TFB2M: variants seen among roughly 807,000 people sequenced by gnomAD.
TFB2M encodes the protein transcription factor B2, mitochondrial.
Under a neutral mutation model 41.3 loss-of-function variants are expected in TFB2M, and 44 were observed. That is an observed-to-expected ratio of 1.07 (90% CI 0.84 to 1.37). The LOEUF (loss-of-function observed/expected upper bound fraction) is 1.37. TFB2M is among the 40% of genes most tolerant of loss of function. The pLI is 0.00. For synonymous variants in TFB2M, 188 were observed against 176.8 expected (o/e 1.06, Z -0.50); for missense variants, 496 against 490.2 (o/e 1.01, Z -0.11).
At chr1:246,552,638 G>A (rs1010157377) in intron 4 of TFB2M, among the ~76,000 whole-genome samples, 1 of 151,646 alleles carries the variant, frequency 6.6e-6, no homozygotes, top group African/African-American at 2.4e-5. Flanking sequence ...GTTTGAGGCT[G>A]CAGTGAGCTA....
At chr1:246,547,060 T>G (rs936101270) in intron 6 of TFB2M, among the ~76,000 whole-genome samples, 4 of 150,368 alleles carry the variant, frequency 2.7e-5, no homozygotes, top group Non-Finnish European at 5.9e-5. Context: ...CTCAGCTCAC[T>G]GCAAACTCTG....
At chr1:246,564,494 C>A in intron 1 of TFB2M, 60 bp from the exon 2 acceptor site, 2 of 1,484,968 alleles carry the variant, frequency 1.3e-6, no homozygotes, top group South Asian at 1.2e-5. Context: ...CTTTCAATAC[C>A]AAACTTTCAT....
At chr1:246,554,145 C>T (rs1286396120) in intron 4 of TFB2M, among the ~76,000 whole-genome samples, 2 of 152,176 alleles carry the variant, frequency 1.3e-5, no homozygotes, top group African/African-American at 4.8e-5. Context: ...AAGAATGAAG[C>T]TGGACACTGA....
At chr1:246,556,821 T>C (rs1236540005) in intron 3 of TFB2M, 100 bp from the exon 4 acceptor site, 9 of 1,016,562 alleles carry the variant, frequency 8.9e-6, no homozygotes, top group Non-Finnish European at 1.1e-5. Flanking sequence ...ACTATATTAA[T>C]TTCAAGTTTA....
At chr1:246,559,079 C>A (rs1429719957) in intron 2 of TFB2M, among the ~76,000 whole-genome samples, 2 of 152,208 alleles carry the variant, frequency 1.3e-5, no homozygotes, top group East Asian at 3.9e-4. Flanking sequence ...TTGTATTCAA[C>A]CTATATTATC....
chr1:246,558,218 C>G (rs1196228459), intron 2 of TFB2M, among the ~76,000 whole-genome samples: 1 of 150,386 alleles, frequency 6.6e-6, no homozygotes, highest in Non-Finnish European at 1.5e-5. Flanking sequence ...GCAATCCCAG[C>G]TGACTGCAGC....
At position 246,541,171 on chromosome 1, in the gene TFB2M, A is replaced by G. The variant is rs1658844108; in HGVS notation, c.1051T>C (p.Leu351=). ...SLTPLDARDI[L]MQIGKQEDEK... ...TCCTCCTGTTTTCCTATTTGCATCA[A>G]TATATCTCTCGCATCAAGTGGAGTC... Residue 351 remains leucine (L), a synonymous_variant, in exon 8 of 8, where the codon TTG becomes CTG. Transcript: ENST00000366514. 3.1e-6 allele frequency: 5 copies of G among 1,614,056 alleles called. No individual in the cohort carries two copies. The highest frequency in any genetic ancestry group is 4.2e-6 in the Non-Finnish European group (5 of 1,179,986).
Position 246,565,885 on chromosome 1 carries a change from G to C in TFB2M, c.254C>G (p.Ala85Gly). The C allele has an allele frequency of 6.2e-7, 1 of 1,611,128 alleles. No individual in the cohort carries two copies. Among genetic ancestry groups the C allele is most frequent in the Non-Finnish European group, 8.5e-7 (1 of 1,177,382 alleles). Reference sequence around the variant, plus strand: ...ACTTGGTTTTCCCAAATAGATTTGCGCCAGGGTCTCAGCCAATCTCCGATC... The same window carrying C: ...ACTTGGTTTTCCCAAATAGATTTGCCCCAGGGTCTCAGCCAATCTCCGATC... ...VTDRRLAETL[A>G]QIYLGKPSRP... Residue 85 changes from alanine (A) to glycine (G), a missense_variant, in exon 1 of 8, where the codon GCG becomes GGG. By Grantham distance (60) the Ala-to-Gly change is moderately conservative. Transcript: ENST00000366514.
At chr1:246,544,168 C>T (rs944561907) in intron 7 of TFB2M, among the ~76,000 whole-genome samples, 3 of 152,170 alleles carry the variant, frequency 2.0e-5, no homozygotes, top group African/African-American at 7.2e-5. Flanking sequence ...TGAAGACAAG[C>T]AATGAGAGGT....
chr1:246,545,046 C>T (rs939398008), intron 6 of TFB2M, among the ~76,000 whole-genome samples: 2 of 137,516 alleles, frequency 1.5e-5, no homozygotes, highest in Non-Finnish European at 1.6e-5. Context: ...ACCTCGTGAT[C>T]CGCCCGCCTC....
At chr1:246,552,793 G>A (rs1412779984) in intron 4 of TFB2M, among the ~76,000 whole-genome samples, 2 of 151,970 alleles carry the variant, frequency 1.3e-5, no homozygotes, top group Admixed American at 6.6e-5. Flanking sequence ...AATAAATTCA[G>A]CTGAGTATGG....
At chr1:246,562,980 CG>C (rs1659496034) in intron 2 of TFB2M, among the ~76,000 whole-genome samples, 2 of 152,198 alleles carry the variant, frequency 1.3e-5, no homozygotes, top group South Asian at 4.2e-4. Context: ...TTTTAAAAGC[CG>C]GCCGGCAGAA....
chr1:246,548,545 C>T lies in TFB2M; in HGVS notation c.858G>A (p.Arg286=). 1 of 1,612,888 alleles carries T rather than the reference C, an allele frequency of 6.2e-7. No homozygotes were observed. Among genetic ancestry groups the T allele is most frequent in the Non-Finnish European group, 8.5e-7 (1 of 1,179,424 alleles). ...GGAAAAGGTATTATTTTATTCTTACCCTACGCTTTGGGTTTTCCAGCGGCC... is the reference window on the plus strand; with the variant it reads ...GGAAAAGGTATTATTTTATTCTTACTCTACGCTTTGGGTTTTCCAGCGGCC... ...RKGPLENPKR[R]ELLDQLQQKL... is the part of the protein sequence containing the mutation. Residue 286 remains arginine (R), a splice_region_variant and synonymous_variant, in exon 6 of 8, where the codon AGG becomes AGA. Transcript: ENST00000366514.
intron 6 of TFB2M, among the ~76,000 whole-genome samples, chr1:246,546,257 A>G (rs1284359484): frequency 6.6e-6 from 1 of 151,138 alleles, no homozygotes; most frequent in Admixed American, 6.6e-5. Context: ...GGCTGCAGTA[A>G]GCCGTGATTA....
intron 4 of TFB2M, among the ~76,000 whole-genome samples, chr1:246,552,659 A>G (rs2340791): frequency 0.57 from 86,219 of 151,778 alleles, 24,829 homozygotes; most frequent in Non-Finnish European, 0.61. Context: ...TGAACATACC[A>G]CGACATTCAA....
intron 2 of TFB2M, among the ~76,000 whole-genome samples, chr1:246,561,386 ATTAT>A (rs1659451852): frequency 6.6e-6 from 1 of 152,190 alleles, no homozygotes; most frequent in South Asian, 2.1e-4. Context: ...TCCTATCATA[ATTAT>A]TGTTTCAAAA....
intron 6 of TFB2M, among the ~76,000 whole-genome samples, chr1:246,545,305 G>T (rs1658984626): frequency 6.6e-6 from 1 of 152,124 alleles, no homozygotes; most frequent in East Asian, 2.0e-4. Flanking sequence ...CCAAGGCGTG[G>T]ATCACTCGAG....
intron 2 of TFB2M, among the ~76,000 whole-genome samples, chr1:246,558,909 T>C (rs1165457615): frequency 1.7e-5 from 1 of 58,320 alleles, no homozygotes; most frequent in African/African-American, 6.7e-5. Context: ...CTCCATAAAC[T>C]TAATTCGAAG....
At position 246,557,477 on chromosome 1, in the gene TFB2M, G is replaced by C; in HGVS notation, c.460C>G (p.Leu154Val). 1 of 1,613,096 alleles carries C rather than the reference G, an allele frequency of 6.2e-7. No individual in the cohort carries two copies. The highest frequency in any genetic ancestry group is 8.5e-7 in the Non-Finnish European group (1 of 1,179,610). Residue 154 changes from leucine (L) to valine (V), a missense_variant, in exon 3 of 8, where the codon CTA becomes GTA. By Grantham distance (32) the Leu-to-Val change is conservative. Coordinates refer to ENST00000366514, the MANE Select transcript of TFB2M (RefSeq NM_022366.3). ...LRVIHCDFFK[L>V]DPRSGGVIKP... is the part of the protein sequence containing the mutation. ...ATTACTCCACCACTTCTAGGATCTA[G>C]TTTAAAGAAGTCACAGTGAATCACT...
Sources: allele counts gnomAD v4.1 joint callset (sites outside exome capture counted in the v4.1 genomes callset), GRCh38; gene constraint gnomAD v4.1.1; transcripts MANE v1.5; gene names NCBI Gene and HGNC (gene_info 2026-07-23, HGNC 2026-07-21).